The following RBFOX1 variants were observed in gnomAD, a reference collection of about 807,000 sequenced individuals.
The protein encoded by RBFOX1 is RNA binding fox-1 homolog 1, also known as RNA binding protein fox-1 homolog 1.
In RBFOX1, 8 loss-of-function variants were observed where a neutral mutation model predicts 57.7. The observed-to-expected ratio is 0.14, with a 90% CI of 0.08 to 0.25. The LOEUF (loss-of-function observed/expected upper bound fraction) is 0.25, where lower values mean the gene tolerates loss of function less well. RBFOX1 is among the 10% of genes least tolerant of loss of function. The probability of loss-of-function intolerance (pLI) is 1.00; values close to 1 mark genes in which losing one functional copy is unlikely to be tolerated. For synonymous variants in RBFOX1, 326 were observed against 222.4 expected, an observed-to-expected ratio of 1.47 and a Z score of -4.15; for missense variants, 611 against 548.5, an observed-to-expected ratio of 1.11 and a Z score of -1.14.
chr16:5,450,155 C>G (rs986883656), intron 1 of RBFOX1, among the ~76,000 whole-genome samples: 4 of 152,210 alleles, frequency 2.6e-5, no homozygotes, highest in Non-Finnish European at 5.9e-5. Context: ...CAAAGTCTCT[C>G]TCACAGGCAG....
At chr16:6,867,754 G>A (rs1033132103) in intron 3 of RBFOX1, among the ~76,000 whole-genome samples, 1 of 152,122 alleles carries the variant, frequency 6.6e-6, no homozygotes, top group East Asian at 1.9e-4. Context: ...CAGTTAATGT[G>A]TGAATTACCC....
At chr16:6,935,064 C>T (rs558830534) in intron 3 of RBFOX1, among the ~76,000 whole-genome samples, 1 of 151,918 alleles carries the variant, frequency 6.6e-6, no homozygotes, top group East Asian at 1.9e-4. Context: ...GCACTCCAGC[C>T]TGCGTGACAG....
At chr16:6,440,019 T>C (rs1176354508) in intron 2 of RBFOX1, among the ~76,000 whole-genome samples, 3 of 151,902 alleles carry the variant, frequency 2.0e-5, no homozygotes, top group Non-Finnish European at 2.9e-5. Flanking sequence ...TCACTGCAAC[T>C]TCCTTCTCCT....
chr16:7,427,496 A>G (rs1225285876), intron 4 of RBFOX1, among the ~76,000 whole-genome samples: 3 of 151,992 alleles, frequency 2.0e-5, no homozygotes, highest in Non-Finnish European at 4.4e-5. Flanking sequence ...TAGCTCTCCC[A>G]GTGCAGAAGA....
At chr16:7,683,034 A>ATATATATAT (rs1568439301) in intron 14 of RBFOX1, among the ~76,000 whole-genome samples, 2 of 92,584 alleles carry the variant, frequency 2.2e-5, no homozygotes, top group Non-Finnish European at 4.3e-5. Flanking sequence ...ATATATATAT[A>ATATATATAT]AAACAGTGCT....
At chr16:7,549,362 G>A (rs1334440358) in intron 5 of RBFOX1, among the ~76,000 whole-genome samples, 8 of 152,230 alleles carry the variant, frequency 5.3e-5, no homozygotes, top group African/African-American at 1.9e-4. Context: ...GAGTTTAGGT[G>A]TAATTCTAGG....
chr16:6,226,387 A>AAAC (rs1332074946), intron 1 of RBFOX1, among the ~76,000 whole-genome samples: 3 of 151,086 alleles, frequency 2.0e-5, no homozygotes, highest in South Asian at 2.1e-4. Flanking sequence ...AAAAAAAAAA[A>AAAC]AAAACAAAAA....
chr16:5,451,225 T>C (rs1347791323), intron 1 of RBFOX1, among the ~76,000 whole-genome samples: 2 of 152,184 alleles, frequency 1.3e-5, no homozygotes, highest in African/African-American at 4.8e-5. Flanking sequence ...AAGACCCATT[T>C]AATTCCACCC....
At chr16:7,523,879 G>A (rs187078416) in intron 5 of RBFOX1, among the ~76,000 whole-genome samples, 47 of 152,266 alleles carry the variant, frequency 3.1e-4, no homozygotes, top group African/African-American at 1.1e-3. Context: ...AATTGTCTCT[G>A]CCTCCTCCTA....
At chr16:6,846,837 C>T (rs2093781161) in intron 3 of RBFOX1, among the ~76,000 whole-genome samples, 1 of 151,566 alleles carries the variant, frequency 6.6e-6, no homozygotes, top group Non-Finnish European at 1.5e-5. Flanking sequence ...CCTACAGGAT[C>T]TTGGATGGCA....
rs559199781 is a variant in RBFOX1, at chr16:6,272,820, G to A, written c.-126-44175G>A. Among the ~76,000 whole-genome samples the A allele has an allele frequency of 3.3e-5, 5 of 152,210 alleles. No individual in the cohort carries two copies. The East Asian group carries it at 9.7e-4, about 29-fold the overall frequency. On this transcript the variant is annotated intron_variant, in intron 1 of 15. Coordinates refer to ENST00000550418, the MANE Select transcript of RBFOX1 (RefSeq NM_018723.4). Reference sequence around the variant, plus strand: ...ACTGATTTTTGACAAAGGTGAAAAGGCAATTCAATAGAGGAAAGATAACCT... The same window carrying A: ...ACTGATTTTTGACAAAGGTGAAAAGACAATTCAATAGAGGAAAGATAACCT...
chr16:7,027,054 C>T (rs534228163), intron 3 of RBFOX1, among the ~76,000 whole-genome samples: 1 of 152,232 alleles, frequency 6.6e-6, no homozygotes, highest in East Asian at 1.9e-4. Context: ...AACAATAGGA[C>T]CCTTGCTGAG....
At chr16:7,484,084 C>G (rs548200147) in intron 4 of RBFOX1, among the ~76,000 whole-genome samples, 2 of 152,128 alleles carry the variant, frequency 1.3e-5, no homozygotes, top group Non-Finnish European at 2.9e-5. Context: ...TGGAATCATA[C>G]TGTGCAGAGT....
intron 4 of RBFOX1, among the ~76,000 whole-genome samples, chr16:7,284,801 G>A (rs1015640393): frequency 3.3e-5 from 5 of 152,186 alleles, no homozygotes; most frequent in Admixed American, 6.5e-5. Flanking sequence ...CAAGTTCAGG[G>A]CAGTCACTGG....
rs544827791 is a variant in RBFOX1, at chr16:5,950,890, G to A, written c.351+83555G>A. ...GGGAGCTAGGGGGAGATGGCATTAT[G>A]GGGGAGGGGCATCCAACCCAGGCCA... On this transcript the variant is annotated intron_variant, in intron 4 of 19. Coordinates refer to the RBFOX1 transcript ENST00000641259. Among the ~76,000 whole-genome samples the A allele has an allele frequency of 4.1e-4, 63 of 152,178 alleles. No individual in the cohort carries two copies. In the South Asian group the frequency reaches 0.012, roughly 28 times the overall value.
At chr16:7,071,872 C>T (rs1436395472) in intron 4 of RBFOX1, among the ~76,000 whole-genome samples, 1 of 152,060 alleles carries the variant, frequency 6.6e-6, no homozygotes, top group Non-Finnish European at 1.5e-5. Flanking sequence ...TTTACAACAG[C>T]TCCTAATTCA....
chr16:6,559,250 A>G (rs1453654944), intron 2 of RBFOX1, among the ~76,000 whole-genome samples: 1 of 151,946 alleles, frequency 6.6e-6, no homozygotes, highest in East Asian at 1.9e-4. Flanking sequence ...TTATAACCAA[A>G]AGTGTCTAAT....
intron 4 of RBFOX1, among the ~76,000 whole-genome samples, chr16:7,199,476 A>G (rs1185685398): frequency 6.6e-6 from 1 of 152,218 alleles, no homozygotes; most frequent in Non-Finnish European, 1.5e-5. Context: ...CGTACGCCTG[A>G]AGGTTTGGAA....
intron 1 of RBFOX1, among the ~76,000 whole-genome samples, chr16:6,133,826 C>A (rs569162971): frequency 6.6e-6 from 1 of 152,196 alleles, no homozygotes; most frequent in East Asian, 1.9e-4. Context: ...GTGCCCCAAG[C>A]AATAGTACAC....
Sources: allele counts gnomAD v4.1 joint callset (sites outside exome capture counted in the v4.1 genomes callset), GRCh38; gene constraint gnomAD v4.1.1; transcripts MANE v1.5; gene names NCBI Gene and HGNC (gene_info 2026-07-23, HGNC 2026-07-21).